The following ATP8A2 variants were observed in gnomAD, a reference collection of about 807,000 sequenced individuals.
The protein encoded by ATP8A2 is phospholipid-transporting ATPase IB.
Under a neutral mutation model 165.6 loss-of-function variants are expected in ATP8A2, and 100 were observed. The observed-to-expected ratio is 0.60, with a 90% confidence interval of 0.51 to 0.71. The LOEUF is 0.71. Ranked by LOEUF, ATP8A2 falls within the 30% of genes least tolerant of loss-of-function variation. ATP8A2 has a pLI of 0.00. For synonymous variants in ATP8A2, 543 were observed against 548.8 expected (o/e 0.99, Z 0.15); for missense variants, 1,227 against 1,479.5 (o/e 0.83, Z 2.80).
At chr13:25,919,336 A>G (rs1406482353) in intron 33 of ATP8A2, among the ~76,000 whole-genome samples, 2 of 152,192 alleles carry the variant, frequency 1.3e-5, no homozygotes, top group Non-Finnish European at 2.9e-5. Context: ...TACAACATTT[A>G]GAATTGGTGT....
intron 33 of ATP8A2, chr13:25,944,821 A>G (rs879833499): frequency 2.6e-5 from 4 of 152,238 alleles, no homozygotes; most frequent in African/African-American, 9.6e-5. Flanking sequence ...TGGGACAGGC[A>G]CTGACTCTTG....
chr13:25,379,753 G>T (rs79265304), intron 1 of ATP8A2, among the ~76,000 whole-genome samples: 1 of 152,142 alleles, frequency 6.6e-6, no homozygotes, highest in African/African-American at 2.4e-5. Flanking sequence ...ATAGTGTGCC[G>T]TTTCTGCTAC....
chr13:25,756,729 G>A (rs140262958), intron 25 of ATP8A2, among the ~76,000 whole-genome samples: 2 of 152,208 alleles, frequency 1.3e-5, no homozygotes, highest in African/African-American at 2.4e-5. Flanking sequence ...CAGCCAATGC[G>A]TGGAAAGCAC....
intron 25 of ATP8A2, among the ~76,000 whole-genome samples, chr13:25,707,161 G>T (rs1362580767): frequency 6.6e-6 from 1 of 152,048 alleles, no homozygotes; most frequent in East Asian, 1.9e-4. Flanking sequence ...AATATGTAGA[G>T]ACTTGAGTAT....
intron 33 of ATP8A2, among the ~76,000 whole-genome samples, chr13:25,947,437 C>T (rs995392509): frequency 4.6e-5 from 7 of 152,024 alleles, no homozygotes; most frequent in Non-Finnish European, 7.4e-5. Flanking sequence ...TGGTGAGGCC[C>T]GCTGTGGGGT....
chr13:25,682,789 G>C (rs1432133308), intron 24 of ATP8A2, among the ~76,000 whole-genome samples: 3 of 152,158 alleles, frequency 2.0e-5, no homozygotes. Context: ...GCCTGCCCCA[G>C]GTGGGTAGAT....
chr13:25,796,724 G>A (rs538853434), intron 27 of ATP8A2, among the ~76,000 whole-genome samples: 61 of 152,304 alleles, frequency 4.0e-4, no homozygotes, highest in Non-Finnish European at 7.6e-4. Flanking sequence ...GATTTTAAAG[G>A]AGAGATCTTT....
chr13:25,803,031 G>A (rs993207986), intron 27 of ATP8A2, among the ~76,000 whole-genome samples: 19 of 151,318 alleles, frequency 1.3e-4, no homozygotes, highest in African/African-American at 4.1e-4. Flanking sequence ...TTTTAAAGGC[G>A]TGAAGGATGT....
chr13:25,737,776 A>G (rs573962503), intron 25 of ATP8A2, among the ~76,000 whole-genome samples: 9 of 152,286 alleles, frequency 5.9e-5, no homozygotes, highest in Admixed American at 2.6e-4. Flanking sequence ...TCCACCTCCC[A>G]GGTTCATGCC....
At chr13:25,784,350 C>T (rs1053748400) in intron 27 of ATP8A2, among the ~76,000 whole-genome samples, 2 of 152,158 alleles carry the variant, frequency 1.3e-5, no homozygotes, top group African/African-American at 4.8e-5. Flanking sequence ...GTGCACTCTC[C>T]CACCCTACCT....
chr13:25,525,596 T>C (rs2037817366), intron 2 of ATP8A2, among the ~76,000 whole-genome samples: 1 of 152,114 alleles, frequency 6.6e-6, no homozygotes. Context: ...TGGATGGAAA[T>C]TTTTTTTCTT....
intron 1 of ATP8A2, among the ~76,000 whole-genome samples, chr13:25,463,812 G>A (rs753102794): frequency 1.1e-4 from 16 of 152,328 alleles, no homozygotes; most frequent in Admixed American, 3.3e-4. Flanking sequence ...GGTGGAAGGT[G>A]AGCTGCTGAC....
At chr13:25,527,149 G>A (rs2037867442) in intron 2 of ATP8A2, among the ~76,000 whole-genome samples, 1 of 152,120 alleles carries the variant, frequency 6.6e-6, no homozygotes, top group Non-Finnish European at 1.5e-5. Flanking sequence ...GGGGAATGAA[G>A]CCAGCTTGCT....
At chr13:25,627,742 A>C (rs35150622) in intron 24 of ATP8A2, among the ~76,000 whole-genome samples, 1 of 152,078 alleles carries the variant, frequency 6.6e-6, no homozygotes, top group Non-Finnish European at 1.5e-5. Flanking sequence ...GATGGAACTG[A>C]AAGTATTGTC....
At chr13:25,749,481 G>A (rs2044108752) in intron 25 of ATP8A2, among the ~76,000 whole-genome samples, 1 of 152,150 alleles carries the variant, frequency 6.6e-6, no homozygotes, top group Non-Finnish European at 1.5e-5. Context: ...GAGAAAAGCA[G>A]AGCAGTGGGA....
intron 1 of ATP8A2, among the ~76,000 whole-genome samples, chr13:25,402,717 G>C (rs1162177380): frequency 6.6e-6 from 1 of 152,190 alleles, no homozygotes; most frequent in East Asian, 1.9e-4. Flanking sequence ...ATTTGGCCCT[G>C]AGGGCTCCGC....
At chr13:25,818,506 T>C (rs1951083678) in intron 27 of ATP8A2, among the ~76,000 whole-genome samples, 1 of 152,226 alleles carries the variant, frequency 6.6e-6, no homozygotes, top group Admixed American at 6.5e-5. Context: ...CATAATATCT[T>C]TCATCTTCTC....
chr13:25,447,087 A>C (rs1485817436), intron 1 of ATP8A2, among the ~76,000 whole-genome samples: 1 of 152,232 alleles, frequency 6.6e-6, no homozygotes, highest in African/African-American at 2.4e-5. Flanking sequence ...TGTTAACTTC[A>C]AATTGCTTTT....
intron 25 of ATP8A2, among the ~76,000 whole-genome samples, chr13:25,723,628 G>A (rs903920708): frequency 2.0e-5 from 3 of 152,138 alleles, no homozygotes; most frequent in African/African-American, 7.2e-5. Context: ...CATTTGCACA[G>A]AGGCTGTAGC....
Sources: allele counts gnomAD v4.1 joint callset (sites outside exome capture counted in the v4.1 genomes callset), GRCh38; gene constraint gnomAD v4.1.1; transcripts MANE v1.5; gene names NCBI Gene and HGNC (gene_info 2026-07-23, HGNC 2026-07-21).